The following TMEM132C variants were observed in gnomAD, a reference collection of about 807,000 sequenced individuals.
The protein encoded by TMEM132C is transmembrane protein 132C, also known as protein phosphatase 1, regulatory subunit 152.
TMEM132C carries 29 observed loss-of-function variants against 61.4 expected under a neutral mutation model. That is an observed-to-expected ratio of 0.47 (90% CI 0.35 to 0.64). The LOEUF (loss-of-function observed/expected upper bound fraction) is 0.64, where lower values mean the gene tolerates loss of function less well. Among genes scored for constraint, TMEM132C ranks in the 30% least tolerant of loss-of-function variants. The pLI is 0.00. For missense variants in TMEM132C, 1,408 were observed against 1,476.9 expected (o/e 0.95, Z 0.76); for synonymous variants, 656 against 633.1 (o/e 1.04, Z -0.54).
chr12:128,458,273 TATA>T (rs1199073328), intron 2 of TMEM132C, among the ~76,000 whole-genome samples: 2 of 65,646 alleles, frequency 3.0e-5, no homozygotes, highest in Non-Finnish European at 4.6e-5. Context: ...ATTATATAAT[TATA>T]ATATTTAGTA....
intron 1 of TMEM132C, among the ~76,000 whole-genome samples, chr12:128,373,721 G>C (rs1874097423): frequency 6.6e-6 from 1 of 152,184 alleles, no homozygotes; most frequent in Non-Finnish European, 1.5e-5. Flanking sequence ...TTGGGGGATG[G>C]GGAAGGAGGT....
chr12:128,493,259 A>G (rs1354436982), intron 2 of TMEM132C, among the ~76,000 whole-genome samples: 1 of 152,102 alleles, frequency 6.6e-6, no homozygotes, highest in East Asian at 1.9e-4. Flanking sequence ...GTAGCCTTGT[A>G]ATATAGTTTG....
chr12:128,686,398 T>C (rs1397854607), intron 5 of TMEM132C, among the ~76,000 whole-genome samples: 2 of 152,310 alleles, frequency 1.3e-5, no homozygotes, highest in Admixed American at 6.5e-5. Context: ...TGGACCAACC[T>C]GGGAAACATA....
intron 1 of TMEM132C, among the ~76,000 whole-genome samples, chr12:128,370,881 C>A (rs1355972508): frequency 6.6e-6 from 1 of 152,072 alleles, no homozygotes; most frequent in Non-Finnish European, 1.5e-5. Flanking sequence ...TAGCAGCTAC[C>A]CCTGAGGAGC....
intron 1 of TMEM132C, among the ~76,000 whole-genome samples, chr12:128,338,013 A>G (rs1296720791): frequency 1.3e-5 from 2 of 152,060 alleles, no homozygotes; most frequent in East Asian, 1.9e-4. Flanking sequence ...AAGAAAGCCT[A>G]CATATCCCCA....
chr12:128,702,478 T>A (rs896140404), intron 8 of TMEM132C, among the ~76,000 whole-genome samples: 84 of 152,280 alleles, frequency 5.5e-4, no homozygotes, highest in African/African-American at 1.9e-3. Flanking sequence ...TCTTCTATGA[T>A]CTCACATATC....
At chr12:128,673,877 G>A (rs556668529) in intron 5 of TMEM132C, among the ~76,000 whole-genome samples, 1 of 152,270 alleles carries the variant, frequency 6.6e-6, no homozygotes, top group South Asian at 2.1e-4. Context: ...ATATAGTAAG[G>A]GCTTAATAAC....
chr12:128,496,915 T>C (rs1871981731), intron 2 of TMEM132C, among the ~76,000 whole-genome samples: 1 of 152,242 alleles, frequency 6.6e-6, no homozygotes. Context: ...GCTCTGATTT[T>C]TAGAATTTTC....
chr12:128,267,467 TG>T lies in TMEM132C; in HGVS notation c.68del (p.Gly23AlafsTer7). 1 of 1,269,550 alleles carries T rather than the reference TG, an allele frequency of 7.9e-7. No homozygotes were observed. Among genetic ancestry groups the T allele is most frequent in the Non-Finnish European group, 9.9e-7 (1 of 1,009,826 alleles). The allele number at this position is 1,269,550 out of a possible 1,614,324, so 78.6% of individuals were successfully genotyped here. A position where few individuals can be genotyped will look rare whatever the true frequency, so the allele number is the denominator to read the frequency against. ...APLCGALSLL[L>X]GALLGKVIEG... ...CTGTGCGGGGCGCTGAGCCTGCTGC[TG>T]GGCGCGCTGCTGGGCAAAGGTAAGG... On this transcript the variant is annotated frameshift_variant, in exon 1 of 9. Coordinates refer to ENST00000435159, the MANE Select transcript of TMEM132C (RefSeq NM_001136103.3). LOFTEE classifies it high-confidence loss of function.
intron 2 of TMEM132C, among the ~76,000 whole-genome samples, chr12:128,489,395 G>C (rs1472559284): frequency 6.6e-6 from 1 of 151,140 alleles, no homozygotes; most frequent in East Asian, 1.9e-4. Context: ...AAAAACCATA[G>C]CCTCTTAGCT....
At position 128,527,867 on chromosome 12, in the gene TMEM132C, A is replaced by G. The variant is rs148775135; in HGVS notation, c.975-16090A>G. Among the ~76,000 whole-genome samples the G allele has an allele frequency of 9.4e-3, 1,437 of 152,190 alleles. 17 individuals carry two copies. The highest frequency in any genetic ancestry group is 0.033 in the African/African-American group (1,377 of 41,514). On this transcript the variant is annotated intron_variant, in intron 2 of 8. Transcript: ENST00000435159. ...AGGGATCAACCACTCACTCTTTCCT[A>G]ACTGTTTACTCCTATGTGATCTTGA... is the stretch of plus-strand genomic sequence containing the variant.
intron 2 of TMEM132C, among the ~76,000 whole-genome samples, chr12:128,426,690 AT>A (rs1483605801): frequency 1.3e-5 from 2 of 152,142 alleles, no homozygotes; most frequent in African/African-American, 4.8e-5. Flanking sequence ...TTCCTGCTAC[AT>A]CCCCTGTCCC....
chr12:128,566,104 G>T (rs1221479850), intron 3 of TMEM132C, among the ~76,000 whole-genome samples: 1 of 149,512 alleles, frequency 6.7e-6, no homozygotes, highest in African/African-American at 2.5e-5. Flanking sequence ...TGGCCAGGCT[G>T]GTCCTGAACT....
At chr12:128,412,728 T>G (rs1343145812) in intron 1 of TMEM132C, among the ~76,000 whole-genome samples, 1 of 152,222 alleles carries the variant, frequency 6.6e-6, no homozygotes, top group African/African-American at 2.4e-5. Context: ...CTTTCTTTTT[T>G]AAATTACCCA....
intron 4 of TMEM132C, among the ~76,000 whole-genome samples, chr12:128,622,579 C>T (rs551498815): frequency 1.3e-4 from 20 of 151,278 alleles, no homozygotes; most frequent in Middle Eastern, 3.4e-3. Context: ...TTCAGAGACC[C>T]GGACGTACAT....
chr12:128,585,990 A>G (rs1165025289), intron 3 of TMEM132C, among the ~76,000 whole-genome samples: 1 of 152,210 alleles, frequency 6.6e-6, no homozygotes, highest in African/African-American at 2.4e-5. Flanking sequence ...GCACAACAAC[A>G]TGAATGTGCT....
At chr12:128,334,935 T>A (rs1872757511) in intron 1 of TMEM132C, among the ~76,000 whole-genome samples, 1 of 152,204 alleles carries the variant, frequency 6.6e-6, no homozygotes, top group Admixed American at 6.5e-5. Flanking sequence ...AGGCTATAAA[T>A]TTTCCTTTCA....
At position 128,544,053 on chromosome 12, in the gene TMEM132C, C is replaced by G; in HGVS notation, c.1071C>G (p.His357Gln). The change falls in exon 3 of 9, where the codon CAC becomes CAG. Residue 357 changes from histidine (H) to glutamine (Q), a missense_variant. Coordinates refer to ENST00000435159, the MANE Select transcript of TMEM132C (RefSeq NM_001136103.3). ...VKQEVGSGGK[H>Q]VTATVACQRL... is the part of the protein sequence containing the mutation. The stretch of plus-strand genomic sequence containing the variant: ...AGGAGGTGGGCAGCGGCGGAAAGCA[C>G]GTGACGGCCACCGTGGCCTGCCAGC... The G allele has an allele frequency of 6.5e-7, 1 of 1,546,662 alleles. No homozygotes were observed. The highest frequency in any genetic ancestry group is 8.7e-7 in the Non-Finnish European group (1 of 1,144,618).
intron 1 of TMEM132C, among the ~76,000 whole-genome samples, chr12:128,348,935 A>G (rs551353168): frequency 1.1e-4 from 17 of 152,262 alleles, no homozygotes; most frequent in African/African-American, 3.8e-4. Flanking sequence ...CATGTTTTCT[A>G]TTTGAAAAAT....
Sources: gnomAD v4.1 joint callset for allele counts (sites outside exome capture counted in the v4.1 genomes callset) on GRCh38, gnomAD v4.1.1 for gene constraint, MANE v1.5 for transcripts, NCBI Gene and HGNC (gene_info 2026-07-23, HGNC 2026-07-21) for gene names.